The following CDH7 variants were observed in gnomAD, a reference collection of about 807,000 sequenced individuals.
CDH7 encodes the protein cadherin 7.
In CDH7, 25 loss-of-function variants were observed where a neutral mutation model predicts 71.8. The observed-to-expected ratio is 0.35, with a 90% confidence interval of 0.25 to 0.49. The LOEUF (loss-of-function observed/expected upper bound fraction) is 0.49, where lower values mean the gene tolerates loss of function less well. Among genes scored for constraint, CDH7 ranks in the 20% least tolerant of loss-of-function variants. CDH7 has a pLI of 0.99. For synonymous variants in CDH7, 381 were observed against 363.8 expected (o/e 1.05, Z -0.54); for missense variants, 862 against 974.6 (o/e 0.88, Z 1.54).
In CDH7 at chr18:65,766,885, TAAAAAAAAAAAAA is replaced by T. The variant is rs61611288; in HGVS notation, c.210+3858_210+3870del. Among the ~76,000 whole-genome samples the T allele has an allele frequency of 3.0e-3, 263 of 88,622 alleles. 5 individuals are homozygous for T. Among genetic ancestry groups the T allele is most frequent in the African/African-American group, 7.4e-3 (237 of 31,838 alleles). The allele number at this position is 88,622 out of a possible 152,430, so 58.1% of individuals were successfully genotyped here. A position where few individuals can be genotyped will look rare whatever the true frequency, so the allele number is the denominator to read the frequency against. ...CTTAACGTCCTGTAACTGTCTGACG[TAAAAAAAAAAAAA>T]AAAAAAAAAAAAAAAAAAAAAAAAG... On this transcript the variant is annotated intron_variant, in intron 2 of 11. Transcript: ENST00000397968.
At chr18:65,765,289 C>T (rs1265919776) in intron 2 of CDH7, among the ~76,000 whole-genome samples, 1 of 151,730 alleles carries the variant, frequency 6.6e-6, no homozygotes, top group South Asian at 2.1e-4. Context: ...TTTCATATAT[C>T]CTTGGAAAAA....
chr18:65,831,500 C>G (rs529119542), intron 6 of CDH7, among the ~76,000 whole-genome samples: 74 of 152,144 alleles, frequency 4.9e-4, no homozygotes, highest in African/African-American at 1.8e-3. Context: ...AGTTGTTTTC[C>G]CAGAATCAAG....
chr18:65,823,407 C>A (rs1434145129), intron 5 of CDH7, among the ~76,000 whole-genome samples: 1 of 151,566 alleles, frequency 6.6e-6, no homozygotes, highest in Non-Finnish European at 1.5e-5. Context: ...TTGTTTAAGC[C>A]TAGATTGATA....
At chr18:65,781,811 CTTCCTTCCTTCT>C (rs1910221803) in intron 2 of CDH7, among the ~76,000 whole-genome samples, 8 of 64,078 alleles carry the variant, frequency 1.2e-4, no homozygotes, top group East Asian at 4.7e-4. Context: ...TCCTTCCTTC[CTTCCTTCCTTCT>C]TTCTTTCTTT....
intron 4 of CDH7, among the ~76,000 whole-genome samples, chr18:65,814,886 C>T (rs948386678): frequency 6.6e-6 from 1 of 152,104 alleles, no homozygotes; most frequent in Non-Finnish European, 1.5e-5. Flanking sequence ...TTCTTTACCT[C>T]AGAGCTTTAC....
At chr18:65,807,365 G>T (rs1911361640) in intron 2 of CDH7, among the ~76,000 whole-genome samples, 1 of 152,174 alleles carries the variant, frequency 6.6e-6, no homozygotes, top group African/African-American at 2.4e-5. Flanking sequence ...CAGGGACATT[G>T]TAGCACCATG....
At chr18:65,806,871 G>C (rs896840586) in intron 2 of CDH7, among the ~76,000 whole-genome samples, 2 of 152,178 alleles carry the variant, frequency 1.3e-5, no homozygotes, top group Admixed American at 6.6e-5. Context: ...CAGATTAAAT[G>C]TCTGAATGCC....
intron 2 of CDH7, among the ~76,000 whole-genome samples, chr18:65,780,693 T>C (rs909886218): frequency 6.6e-6 from 1 of 151,124 alleles, no homozygotes. Context: ...TACCATGCTG[T>C]TTTGGTTACT....
At chr18:65,778,160 T>C (rs1307445162) in intron 2 of CDH7, among the ~76,000 whole-genome samples, 4 of 150,674 alleles carry the variant, frequency 2.7e-5, no homozygotes, top group African/African-American at 9.7e-5. Context: ...TAATCCCAGC[T>C]ACTCAGGAGG....
intron 3 of CDH7, among the ~76,000 whole-genome samples, chr18:65,810,958 A>G (rs78161192): frequency 0.016 from 2,436 of 152,286 alleles, 50 homozygotes; most frequent in African/African-American, 0.055. Context: ...TCGAATAATC[A>G]AAATTCTCTT....
chr18:65,830,612 T>G, intron 6 of CDH7, among the ~76,000 whole-genome samples: 2 of 21,682 alleles, frequency 9.2e-5, no homozygotes, highest in East Asian at 0.028. Flanking sequence ...TTCCCTTTCC[T>G]TCCCTTCCCT....
chr18:65,791,105 A>G (rs773284515), intron 2 of CDH7, among the ~76,000 whole-genome samples: 1 of 152,246 alleles, frequency 6.6e-6, no homozygotes, highest in Non-Finnish European at 1.5e-5. Flanking sequence ...CTTTACATTT[A>G]TAAAATATTT....
At chr18:65,805,388 T>G (rs1911278575) in intron 2 of CDH7, among the ~76,000 whole-genome samples, 1 of 152,018 alleles carries the variant, frequency 6.6e-6, no homozygotes, top group Admixed American at 6.6e-5. Flanking sequence ...GACTACACTG[T>G]GAGATGTGGG....
Position 65,822,215 on chromosome 18 carries a change from G to A in CDH7, c.760G>A (p.Asp254Asn), listed in dbSNP as rs1337607861. ...GTTSVTVTLT[D>N]VNDNPPRFPR... ...TACATCAGTCACTGTGACCCTAACTGATGTCAACGATAATCCACCTCGCTT... is the reference window on the plus strand; with the variant it reads ...TACATCAGTCACTGTGACCCTAACTAATGTCAACGATAATCCACCTCGCTT... Residue 254 changes from aspartate to asparagine, a missense_variant, in exon 5 of 12, where the codon GAT becomes AAT. Physicochemically the swap from Asp to Asn is conservative, Grantham distance 23 (BLOSUM62 1). Coordinates refer to ENST00000397968, the MANE Select transcript of CDH7 (RefSeq NM_004361.5). The A allele has an allele frequency of 6.2e-7, 1 of 1,612,616 alleles. No homozygotes were observed. The highest frequency in any genetic ancestry group is 8.5e-7 in the Non-Finnish European group (1 of 1,178,860).
At chr18:65,788,106 A>G (rs746556488) in intron 2 of CDH7, among the ~76,000 whole-genome samples, 1 of 152,184 alleles carries the variant, frequency 6.6e-6, no homozygotes, top group Non-Finnish European at 1.5e-5. Context: ...CACACATTGA[A>G]AATAAGCTTG....
intron 2 of CDH7, among the ~76,000 whole-genome samples, chr18:65,781,972 C>CTCTCTT (rs1910271630): frequency 1.6e-5 from 1 of 62,406 alleles, no homozygotes; most frequent in African/African-American, 1.3e-4. Flanking sequence ...TTCTCTCTCT[C>CTCTCTT]TCTCTCTCTC....
intron 1 of CDH7, among the ~76,000 whole-genome samples, chr18:65,753,056 T>G (rs778061803): frequency 3.9e-5 from 6 of 152,166 alleles, no homozygotes; most frequent in Non-Finnish European, 7.4e-5. Flanking sequence ...AATTTACCCT[T>G]GAATTGACTC....
chr18:65,806,264 A>C (rs780759491), intron 2 of CDH7, among the ~76,000 whole-genome samples: 1 of 151,210 alleles, frequency 6.6e-6, no homozygotes, highest in South Asian at 2.1e-4. Flanking sequence ...TAAGGATTCT[A>C]TGCCTCTCAC....
chr18:65,821,929 C>A (rs111623134), intron 4 of CDH7, 152 bp from the exon 5 acceptor site: 33 of 590,456 alleles, frequency 5.6e-5, no homozygotes, highest in African/African-American at 4.9e-4. Context: ...TATCCTATTT[C>A]TTTGGTCTTT....
Sources: gnomAD v4.1 joint callset for allele counts (sites outside exome capture counted in the v4.1 genomes callset) on GRCh38, gnomAD v4.1.1 for gene constraint, MANE v1.5 for transcripts, NCBI Gene and HGNC (gene_info 2026-07-23, HGNC 2026-07-21) for gene names.